GSAP: variants seen among roughly 807,000 people sequenced by gnomAD.
The protein encoded by GSAP is gamma-secretase activating protein.
Under a neutral mutation model 131.7 loss-of-function variants are expected in GSAP, and 118 were observed. The observed-to-expected ratio is 0.90, with a 90% CI of 0.77 to 1.04. GSAP has a LOEUF of 1.04. Ranked by LOEUF, GSAP falls within the 50% of genes least tolerant of loss-of-function variation. The pLI, the probability that GSAP is intolerant of heterozygous loss-of-function variation, is 0.00. For synonymous variants in GSAP, 381 were observed against 363.4 expected, an observed-to-expected ratio of 1.05 and a Z score of -0.55; for missense variants, 1,019 against 1,013.2, an observed-to-expected ratio of 1.01 and a Z score of -0.08.
intron 11 of GSAP, 23 bp downstream of exon 11, chr7:77,375,035 G>T (rs759145937): frequency 2.5e-6 from 3 of 1,186,468 alleles, no homozygotes; most frequent in Non-Finnish European, 3.7e-6. Flanking sequence ...ATAAAAATTA[G>T]TAACAACCTA....
chr7:77,362,453 T>G lies in GSAP; in HGVS notation c.949+130A>C, dbSNP rs12539040. ...AGTGAGCAGTATTCATGCCACCGCA[T>G]TCCAGCCTGGGTGACAAAGGGAGAC... On this transcript the variant is annotated intron_variant, in intron 13 of 30. Coordinates refer to ENST00000257626, the MANE Select transcript of GSAP (RefSeq NM_017439.4). The G allele has an allele frequency of 1.8e-3, 1,097 of 615,474 alleles. 1 individual carries two copies. The highest frequency in any genetic ancestry group is 2.8e-3 in the Admixed American group (102 of 36,120). The allele number at this position is 615,474 out of a possible 1,614,324, so 38.1% of individuals were successfully genotyped here.
rs148293999 is a variant in GSAP at position 77,380,002 on chromosome 7, T to C, written c.576+1303A>G. ...CTTCAGAGACAATTTTGATGCAGAC[T>C]AAATATTGAAGAAAATCATTTTTAA... is the stretch of plus-strand genomic sequence containing the variant. On this transcript the variant is annotated intron_variant, in intron 8 of 30. Coordinates refer to ENST00000257626, the MANE Select transcript of GSAP (RefSeq NM_017439.4). The C allele has an allele frequency of 3.1e-3, 2,061 of 666,098 alleles. 40 individuals are homozygous for C. The African/African-American group carries it at 0.039, about 12-fold the overall frequency. The allele number at this position is 666,098 out of a possible 1,614,324, so 41.3% of individuals were successfully genotyped here.
chr7:77,392,569 G>A (rs1662543973), intron 5 of GSAP, among the ~76,000 whole-genome samples: 1 of 152,102 alleles, frequency 6.6e-6, no homozygotes, highest in Admixed American at 6.6e-5. Flanking sequence ...GATTATCAGT[G>A]GAGACTGGGA....
rs998219312 is a variant in GSAP at position 77,314,547 on chromosome 7, G to A, written c.2090-58C>T. On this transcript the variant is annotated intron_variant, in intron 26 of 30. Transcript: ENST00000257626. ...CAGCCAACATCTCCAGCAGCCCCCG[G>A]GGAATGGATTAGATCATGTTAATAA... The A allele has an allele frequency of 3.1e-6, 5 of 1,602,184 alleles. No individual in the cohort carries two copies. In the African/African-American group the frequency reaches 5.4e-5, roughly 17 times the overall value.
Position 77,416,190 on chromosome 7 carries a change from T to G in GSAP, c.109+23A>C, listed in dbSNP as rs1240835604. ...GACTCCCACTCCCCGCCCCCACCCC[T>G]CTCCGCAGCGCGCCTCCCGCACCTG... is the stretch of plus-strand genomic sequence containing the variant. On this transcript the variant is annotated intron_variant, in intron 1 of 30. Coordinates refer to ENST00000257626, the MANE Select transcript of GSAP (RefSeq NM_017439.4). The G allele has an allele frequency of 1.8e-3, 514 of 290,038 alleles. 1 individual carries two copies. Among genetic ancestry groups the G allele is most frequent in the Non-Finnish European group, 2.5e-3 (464 of 182,304 alleles). 18.0% of individuals were successfully genotyped at this position (290,038 alleles called of 1,614,324 possible). A position where few individuals can be genotyped will look rare whatever the true frequency, so the allele number is the denominator to read the frequency against.
chr7:77,351,610 A>G, intron 18 of GSAP: 1 of 985,758 alleles, frequency 1.0e-6, no homozygotes, highest in African/African-American at 1.7e-5. Flanking sequence ...TTATAACCAC[A>G]GGTTTCTTTA....
At chr7:77,413,308 T>G (rs1803636314) in intron 1 of GSAP, among the ~76,000 whole-genome samples, 1 of 152,190 alleles carries the variant, frequency 6.6e-6, no homozygotes, top group East Asian at 1.9e-4. Flanking sequence ...GCCAGGCCTT[T>G]AAAGCCCACT....
At chr7:77,368,978 G>C (rs1438766876) in intron 12 of GSAP, among the ~76,000 whole-genome samples, 1 of 152,170 alleles carries the variant, frequency 6.6e-6, no homozygotes, top group Non-Finnish European at 1.5e-5. Context: ...ACGTTGGCTA[G>C]CCTTGGGGAA....
intron 6 of GSAP, among the ~76,000 whole-genome samples, chr7:77,386,101 C>G (rs186079594): frequency 6.6e-6 from 1 of 151,944 alleles, no homozygotes; most frequent in Non-Finnish European, 1.5e-5. Context: ...AGACACAATC[C>G]CAAATGCCAT....
At position 77,314,283 on chromosome 7, in the gene GSAP, G is replaced by A. The variant is rs1794733266; in HGVS notation, c.2209+87C>T. The A allele has an allele frequency of 2.8e-6, 4 of 1,409,846 alleles. No individual in the cohort carries two copies. In the South Asian group the frequency reaches 3.6e-5, roughly 13 times the overall value. The allele number at this position is 1,409,846 out of a possible 1,614,324, so 87.3% of individuals were successfully genotyped here. On this transcript the variant is annotated intron_variant, in intron 27 of 30. Transcript: ENST00000257626. ...TCTTCTGAGTGCAGCCAGGCTCTTG[G>A]TGACTGCACAGGTTGCACACCCAAG...
chr7:77,379,187 G>A (rs562049661), intron 8 of GSAP, among the ~76,000 whole-genome samples: 4 of 152,146 alleles, frequency 2.6e-5, no homozygotes, highest in Admixed American at 2.0e-4. Flanking sequence ...GTACTAACAA[G>A]AAAATGAATG....
intron 1 of GSAP, among the ~76,000 whole-genome samples, chr7:77,407,772 AAAAG>A (rs1802553761): frequency 6.6e-6 from 1 of 152,202 alleles, no homozygotes; most frequent in Non-Finnish European, 1.5e-5. Flanking sequence ...ATATATCTTC[AAAAG>A]AAATATATAC....
At chr7:77,405,945 A>C in intron 2 of GSAP, 84 bp downstream of exon 2, 1 of 525,942 alleles carries the variant, frequency 1.9e-6, no homozygotes, top group Non-Finnish European at 3.0e-6. Context: ...AAGATACAGT[A>C]TAGAATTCTG....
intron 3 of GSAP, among the ~76,000 whole-genome samples, chr7:77,398,654 G>C (rs1219580283): frequency 6.6e-6 from 1 of 152,040 alleles, no homozygotes; most frequent in African/African-American, 2.4e-5. Context: ...TGTAGTCCTA[G>C]CTACTTGGGA....
intron 3 of GSAP, among the ~76,000 whole-genome samples, chr7:77,398,973 C>G (rs10257179): frequency 6.6e-6 from 1 of 152,118 alleles, no homozygotes; most frequent in Non-Finnish European, 1.5e-5. Flanking sequence ...GGAGAGACTT[C>G]TGTACCAGTA....
chr7:77,383,175 A>C (rs1263088196), intron 6 of GSAP, among the ~76,000 whole-genome samples: 11 of 152,208 alleles, frequency 7.2e-5, no homozygotes, highest in Admixed American at 6.5e-4. Context: ...TGATAGAGCA[A>C]GACTCTGTCT....
rs1794689351 is a variant in GSAP at position 77,362,571 on chromosome 7, CA to C, written c.949+11del. 7.3e-7 allele frequency: 1 copy of C among 1,378,740 alleles called. No homozygotes were observed. 85.4% of individuals were successfully genotyped at this position (1,378,740 alleles called of 1,614,324 possible). On this transcript the variant is annotated intron_variant, in intron 13 of 30. Transcript: ENST00000257626. The stretch of plus-strand genomic sequence containing the variant: ...TATTATGTAAAAGTAACAAAGAAGA[CA>C]TGAAAAGTACCTTTATGAATGTAAA...
intron 1 of GSAP, among the ~76,000 whole-genome samples, chr7:77,411,731 A>C (rs1296459577): frequency 6.6e-6 from 1 of 152,254 alleles, no homozygotes; most frequent in Non-Finnish European, 1.5e-5. Context: ...AGGAAATCCA[A>C]ATCAACTTTT....
At chr7:77,333,373 G>A (rs1339014447) in intron 19 of GSAP, among the ~76,000 whole-genome samples, 3 of 152,118 alleles carry the variant, frequency 2.0e-5, no homozygotes, top group Admixed American at 6.5e-5. Flanking sequence ...AGAGTCAACA[G>A]TACTTCATTC....
Sources: allele counts gnomAD v4.1 joint callset (sites outside exome capture counted in the v4.1 genomes callset), GRCh38; gene constraint gnomAD v4.1.1; transcripts MANE v1.5; gene names NCBI Gene and HGNC (gene_info 2026-07-23, HGNC 2026-07-21).